DPP6: variants seen among roughly 807,000 people sequenced by gnomAD.
The protein encoded by DPP6 is A-type potassium channel modulatory protein DPP6.
Under a neutral mutation model 122.6 loss-of-function variants are expected in DPP6, and 69 were observed. The observed-to-expected ratio is 0.56, with a 90% CI of 0.46 to 0.69. The LOEUF is 0.69. Ranked by LOEUF, DPP6 falls within the 30% of genes least tolerant of loss-of-function variation. The probability of loss-of-function intolerance (pLI) is 0.00; values close to 1 mark genes in which losing one functional copy is unlikely to be tolerated. For missense variants in DPP6, 928 were observed against 1,116.9 expected, an observed-to-expected ratio of 0.83 and a Z score of 2.41; for synonymous variants, 418 against 433.1, an observed-to-expected ratio of 0.97 and a Z score of 0.43.
intron 19 of DPP6, among the ~76,000 whole-genome samples, chr7:154,873,750 CCA>C (rs1362557418): frequency 6.6e-6 from 1 of 151,870 alleles, no homozygotes; most frequent in Non-Finnish European, 1.5e-5. Flanking sequence ...ACACACGCAC[CCA>C]CACACAGGCA....
chr7:154,617,608 G>A (rs1370071632), intron 5 of DPP6, among the ~76,000 whole-genome samples: 2 of 152,186 alleles, frequency 1.3e-5, no homozygotes, highest in African/African-American at 4.8e-5. Flanking sequence ...GCCCGTTGGT[G>A]ACTGCTCGTG....
chr7:154,492,464 T>C (rs544142459), intron 3 of DPP6, among the ~76,000 whole-genome samples: 1 of 152,188 alleles, frequency 6.6e-6, no homozygotes, highest in Non-Finnish European at 1.5e-5. Context: ...CAGGTATATA[T>C]CCAAAGCCTG....
chr7:154,807,198 A>G lies in DPP6; in HGVS notation c.1666+86A>G, dbSNP rs2293357. Reference sequence around the variant, plus strand: ...GTGGGCACACTTGCAGGGAGGGGGCAGCGGCTGTGGTGGGAGCACAGCGTA... The same window carrying G: ...GTGGGCACACTTGCAGGGAGGGGGCGGCGGCTGTGGTGGGAGCACAGCGTA... On this transcript the variant is annotated intron_variant, in intron 16 of 25. Coordinates refer to ENST00000377770, the MANE Select transcript of DPP6 (RefSeq NM_130797.4). 1,236,557 of 1,497,328 alleles carry G rather than the reference A, an allele frequency of 0.83. 511,907 individuals carry two copies. The highest frequency in any genetic ancestry group is 0.84 in the Non-Finnish European group (932,288 of 1,112,430). The allele number at this position is 1,497,328 out of a possible 1,614,324, so 92.8% of individuals were successfully genotyped here.
At chr7:154,218,468 G>C (rs1461612682) in intron 1 of DPP6, among the ~76,000 whole-genome samples, 2 of 152,158 alleles carry the variant, frequency 1.3e-5, no homozygotes, top group Non-Finnish European at 2.9e-5. Flanking sequence ...CCTTTAGATG[G>C]CCTCATGCAT....
chr7:154,239,959 T>C (rs540100290), intron 1 of DPP6, among the ~76,000 whole-genome samples: 87 of 117,672 alleles, frequency 7.4e-4, no homozygotes, highest in Non-Finnish European at 1.2e-3. Context: ...GCCACTGCAC[T>C]CCAGCCTGGG....
At chr7:154,492,240 A>G (rs1183055658) in intron 3 of DPP6, among the ~76,000 whole-genome samples, 1 of 152,194 alleles carries the variant, frequency 6.6e-6, no homozygotes, top group African/African-American at 2.4e-5. Context: ...AACACCTTGT[A>G]TAGCACCCAG....
chr7:154,797,778 T>C (rs890116671), intron 12 of DPP6, among the ~76,000 whole-genome samples: 1 of 152,222 alleles, frequency 6.6e-6, no homozygotes, highest in Non-Finnish European at 1.5e-5. Flanking sequence ...TAGTACGTTT[T>C]CTTTTGTGTT....
chr7:153,910,239 T>TTC (rs200329269), intron 1 of DPP6, among the ~76,000 whole-genome samples: 25 of 147,870 alleles, frequency 1.7e-4, no homozygotes, highest in Admixed American at 1.3e-3. Flanking sequence ...TCTTTCTTTT[T>TTC]TTTTTTTTGA....
the DPP6 span, among the ~76,000 whole-genome samples, chr7:153,797,897 G>A: frequency 2.6e-5 from 4 of 151,852 alleles, no homozygotes; most frequent in Non-Finnish European, 5.9e-5. Flanking sequence ...GCTGGAGTGC[G>A]GTGGCGAGAT....
At chr7:154,337,777 T>A (rs565743861) in intron 1 of DPP6, among the ~76,000 whole-genome samples, 3 of 152,342 alleles carry the variant, frequency 2.0e-5, no homozygotes, top group East Asian at 3.9e-4. Context: ...GAATGAAGGC[T>A]CACGCCCAGG....
intron 25 of DPP6, chr7:154,891,207 G>A: frequency 6.6e-6 from 1 of 152,332 alleles, no homozygotes; most frequent in Non-Finnish European, 1.5e-5. Flanking sequence ...TTCCAGCCTG[G>A]GCGACAGAGT....
intron 1 of DPP6, among the ~76,000 whole-genome samples, chr7:154,179,270 C>T (rs1363769200): frequency 1.3e-5 from 2 of 152,156 alleles, no homozygotes; most frequent in Admixed American, 6.5e-5. Context: ...TGTGATATTT[C>T]TTGCACACCT....
the DPP6 span, among the ~76,000 whole-genome samples, chr7:153,818,985 C>G: frequency 2.0e-5 from 3 of 148,886 alleles, no homozygotes; most frequent in East Asian, 2.0e-4. Flanking sequence ...CTCCTGACCT[C>G]GTGATCCGCC....
At chr7:154,633,323 G>A (rs186087720) in intron 5 of DPP6, among the ~76,000 whole-genome samples, 5 of 152,198 alleles carry the variant, frequency 3.3e-5, no homozygotes, top group Non-Finnish European at 7.4e-5. Context: ...TGCAACCTCC[G>A]CCTCCTGGGT....
chr7:154,269,264 C>G (rs1176946469), intron 1 of DPP6, among the ~76,000 whole-genome samples: 1 of 152,108 alleles, frequency 6.6e-6, no homozygotes, highest in Non-Finnish European at 1.5e-5. Flanking sequence ...GAAAGGAGTT[C>G]CACTTAAATT....
rs535755521 is a variant in DPP6 at position 154,187,838 on chromosome 7, TA to T, written c.243+134785del. 1.3e-4 allele frequency among the ~76,000 whole-genome samples: 19 copies of T among 149,678 alleles called. No homozygotes were observed. The South Asian group carries it at 3.0e-3, about 24-fold the overall frequency. On this transcript the variant is annotated intron_variant, in intron 1 of 25. Transcript: ENST00000377770. Reference sequence around the variant, plus strand: ...TACATTATTATCTCCTAGAAAGCTTTAAAAAAAAAACTTCTGATGCCGAGAC... The same window carrying T: ...TACATTATTATCTCCTAGAAAGCTTTAAAAAAAAACTTCTGATGCCGAGAC...
At position 154,402,418 on chromosome 7, in the gene DPP6, A is replaced by G. The variant is rs1427671355; in HGVS notation, c.244-43796A>G. 2.0e-5 allele frequency among the ~76,000 whole-genome samples: 3 copies of G among 146,978 alleles called. No individual in the cohort carries two copies. In the East Asian group the frequency reaches 5.9e-4, roughly 29 times the overall value. ...ATACACCATGGAATACTATGCAGCC[A>G]TAAAAAATGATGAGTTCATGTCCTT... is the stretch of plus-strand genomic sequence containing the variant. On this transcript the variant is annotated intron_variant, in intron 1 of 25. Transcript: ENST00000377770.
At chr7:153,768,370 AAGG>A in the DPP6 span, among the ~76,000 whole-genome samples, 2 of 152,036 alleles carry the variant, frequency 1.3e-5, no homozygotes, top group Non-Finnish European at 2.9e-5. Context: ...GTGCATTTGT[AAGG>A]AGAACTCAGA....
chr7:154,277,115 G>A (rs766858229), intron 1 of DPP6, among the ~76,000 whole-genome samples: 8 of 152,154 alleles, frequency 5.3e-5, no homozygotes, highest in South Asian at 2.1e-4. Context: ...GCAGAGTGCC[G>A]TCATGTTCAG....
Sources: allele counts gnomAD v4.1 joint callset (sites outside exome capture counted in the v4.1 genomes callset), GRCh38; gene constraint gnomAD v4.1.1; transcripts MANE v1.5; gene names NCBI Gene and HGNC (gene_info 2026-07-23, HGNC 2026-07-21).